Variants in HDAC4 observed in about 807,000 individuals in gnomAD.
HDAC4 encodes the protein histone deacetylase A.
In HDAC4, 16 loss-of-function variants were observed where a neutral mutation model predicts 135.1. That is an observed-to-expected ratio of 0.12 (90% CI 0.08 to 0.18). The LOEUF (loss-of-function observed/expected upper bound fraction) is 0.18, where lower values mean the gene tolerates loss of function less well. Among genes scored for constraint, HDAC4 ranks in the 10% least tolerant of loss-of-function variants. The pLI, the probability that HDAC4 is intolerant of heterozygous loss-of-function variation, is 1.00. For missense variants in HDAC4, 1,143 were observed against 1,511.8 expected, an observed-to-expected ratio of 0.76 and a Z score of 4.05; for synonymous variants, 685 against 653.4, an observed-to-expected ratio of 1.05 and a Z score of -0.74.
At chr2:239,233,460 A>G (rs896018656) in intron 3 of HDAC4, among the ~76,000 whole-genome samples, 7 of 116,378 alleles carry the variant, frequency 6.0e-5, no homozygotes, top group Non-Finnish European at 4.0e-5. Context: ...CAAAATCCGA[A>G]AAAAAAAAAA....
At chr2:239,144,490 T>C in intron 8 of HDAC4, 93 bp downstream of exon 8, 1 of 1,519,094 alleles carries the variant, frequency 6.6e-7, no homozygotes, top group African/African-American at 1.4e-5. Flanking sequence ...GGCAGACACG[T>C]GGGTTTTCAG....
chr2:239,248,490 C>CT (rs888405563), intron 2 of HDAC4, among the ~76,000 whole-genome samples: 1 of 152,116 alleles, frequency 6.6e-6, no homozygotes, highest in Non-Finnish European at 1.5e-5. Context: ...ACCTCTAGCG[C>CT]TTTTTAGGAC....
rs57149577 is a variant in HDAC4, at chr2:239,269,235, T to A, written c.23-32571A>T. Among the ~76,000 whole-genome samples the A allele has an allele frequency of 1.3e-3, 187 of 138,816 alleles. 1 individual carries two copies. The highest frequency in any genetic ancestry group is 5.0e-3 in the African/African-American group (184 of 36,576). 91.1% of individuals were successfully genotyped at this position (138,816 alleles called of 152,430 possible). ...CACACATTCACACACCCACATACAT[T>A]CACACATCTACACACATTCACACAC... On this transcript the variant is annotated intron_variant, in intron 2 of 26. Coordinates refer to ENST00000543185, the MANE Select transcript of HDAC4 (RefSeq NM_001378414.1).
rs561528802 is a variant in HDAC4 at position 239,313,470 on chromosome 2, T to C, written c.22+39208A>G. On this transcript the variant is annotated intron_variant, in intron 2 of 26. Coordinates refer to ENST00000543185, the MANE Select transcript of HDAC4 (RefSeq NM_001378414.1). The surrounding 1 kb of genome is among the most constrained non-coding windows in gnomAD (Gnocchi z 5.1). Reference sequence around the variant, plus strand: ...CGCTCCTCCAATTGGGGGCTGGCCATCCCACCGAGCACTGATACCGCAGGC... The same window carrying C: ...CGCTCCTCCAATTGGGGGCTGGCCACCCCACCGAGCACTGATACCGCAGGC... 5.4e-4 allele frequency among the ~76,000 whole-genome samples: 82 copies of C among 152,110 alleles called. 1 individual carries two copies. In the Middle Eastern group the frequency reaches 0.01, roughly 19 times the overall value.
At chr2:239,268,075 A>G (rs901561785) in intron 2 of HDAC4, among the ~76,000 whole-genome samples, 10 of 152,254 alleles carry the variant, frequency 6.6e-5, no homozygotes, top group Non-Finnish European at 1.5e-4. Flanking sequence ...ATAATCAGAA[A>G]ATGTTTTGAG....
Position 239,299,921 on chromosome 2 carries a change from G to A in HDAC4, c.22+52757C>T, listed in dbSNP as rs558673791. 9.2e-5 allele frequency among the ~76,000 whole-genome samples: 14 copies of A among 152,182 alleles called. No homozygotes were observed. Among genetic ancestry groups the A allele is most frequent in the Non-Finnish European group, 1.9e-4 (13 of 68,028 alleles). ...GGCAGTCCTGGGGCTCGGGAGACAG[G>A]GGAGACAGAGAAGGAAGAGGGGTCC... On this transcript the variant is annotated intron_variant, in intron 2 of 26. Transcript: ENST00000543185. This position sits in a 1 kb window ranked among gnomAD's most constrained non-coding sequence, Gnocchi z 4.0.
chr2:239,191,049 C>T (rs1023386013), intron 3 of HDAC4: 5 of 458,072 alleles, frequency 1.1e-5, no homozygotes, highest in South Asian at 4.7e-5. Flanking sequence ...GCGACTCTGC[C>T]GAAAACTTCA....
intron 3 of HDAC4, among the ~76,000 whole-genome samples, chr2:239,217,555 C>T (rs976412267): frequency 5.3e-5 from 8 of 152,196 alleles, no homozygotes; most frequent in East Asian, 1.9e-4. Context: ...AGAAAAGAGA[C>T]GGCAGAAAGT....
intron 2 of HDAC4, among the ~76,000 whole-genome samples, chr2:239,271,266 A>G (rs1559309966): frequency 6.6e-6 from 1 of 152,080 alleles, no homozygotes; most frequent in Non-Finnish European, 1.5e-5. Flanking sequence ...GGTGCATGCC[A>G]CCATGCCTGG....
rs183526739 is a variant in HDAC4, at chr2:239,141,193, G to A, written c.866-1397C>T. ...GTTAACCCAGCTGGGTGGTGAAGGC[G>A]CACCTCCTCTGTTGACCACGCTGCC... On this transcript the variant is annotated intron_variant, in intron 8 of 26. Transcript: ENST00000543185. This position sits in a 1 kb window ranked among gnomAD's most constrained non-coding sequence, Gnocchi z 4.9. Among the ~76,000 whole-genome samples, 55 of 152,212 alleles carry A rather than the reference G, an allele frequency of 3.6e-4. 1 individual carries two copies. In the East Asian group the frequency reaches 7.4e-3, roughly 20 times the overall value.
chr2:239,329,579 C>T (rs912951686), intron 2 of HDAC4, among the ~76,000 whole-genome samples: 1 of 151,656 alleles, frequency 6.6e-6, no homozygotes, highest in Non-Finnish European at 1.5e-5. Context: ...CACAGACACC[C>T]GTGCTCCATT....
chr2:239,264,040 G>A (rs1291727280), intron 2 of HDAC4, among the ~76,000 whole-genome samples: 1 of 151,892 alleles, frequency 6.6e-6, no homozygotes, highest in Non-Finnish European at 1.5e-5. Flanking sequence ...TCGAGCGGGG[G>A]CTCAATGACT....
chr2:239,188,541 G>A (rs867817745), intron 4 of HDAC4, among the ~76,000 whole-genome samples: 17 of 152,334 alleles, frequency 1.1e-4, no homozygotes, highest in African/African-American at 3.8e-4. Flanking sequence ...CATCTCAGAA[G>A]CACCAGGTTG....
chr2:239,225,189 G>A (rs1274578869), intron 3 of HDAC4, among the ~76,000 whole-genome samples: 1 of 152,186 alleles, frequency 6.6e-6, no homozygotes, highest in Non-Finnish European at 1.5e-5. Flanking sequence ...AAGACTTTAT[G>A]AAGTGTTAAT....
chr2:239,092,246 G>GA lies in HDAC4; in HGVS notation c.2281-2131dup, dbSNP rs11366042. Among the ~76,000 whole-genome samples the GA allele has an allele frequency of 9.7e-3, 1,252 of 129,264 alleles. 16 individuals carry two copies. The highest frequency in any genetic ancestry group is 0.027 in the African/African-American group (959 of 35,552). The allele number at this position is 129,264 out of a possible 152,430, so 84.8% of individuals were successfully genotyped here. ...AGACTGAAGCTCTGTCTCCAAAGAG[G>GA]AAAAAAAAAAAAAAAAAAATCCAAG... On this transcript the variant is annotated intron_variant, in intron 17 of 26. Coordinates refer to ENST00000543185, the MANE Select transcript of HDAC4 (RefSeq NM_001378414.1).
rs529877423 is a variant in HDAC4, at chr2:239,167,733, T to C, written c.491-3810A>G. Among the ~76,000 whole-genome samples, 17 of 152,182 alleles carry C rather than the reference T, an allele frequency of 1.1e-4. No individual in the cohort carries two copies. In the East Asian group the frequency reaches 1.5e-3, roughly 14 times the overall value. On this transcript the variant is annotated intron_variant, in intron 5 of 26. Coordinates refer to ENST00000543185, the MANE Select transcript of HDAC4 (RefSeq NM_001378414.1). The surrounding 1 kb of genome is among the most constrained non-coding windows in gnomAD (Gnocchi z 4.1). The stretch of plus-strand genomic sequence containing the variant: ...TCCCTAATTTTTACTTTTACTTTTT[T>C]TTTTTTTTTCTTAATTCACATTGAG...
At chr2:239,098,420 G>C (rs1266935255) in intron 16 of HDAC4, among the ~76,000 whole-genome samples, 1 of 152,270 alleles carries the variant, frequency 6.6e-6, no homozygotes, top group Non-Finnish European at 1.5e-5. Context: ...TCCCTGGCTG[G>C]GAGGAGGCCC....
At chr2:239,056,801 A>T (rs138342777) in intron 24 of HDAC4, among the ~76,000 whole-genome samples, 1 of 152,338 alleles carries the variant, frequency 6.6e-6, no homozygotes, top group Non-Finnish European at 1.5e-5. Context: ...ACTCTCAGCA[A>T]ATGATCAAGG....
intron 2 of HDAC4, among the ~76,000 whole-genome samples, chr2:239,248,462 G>A (rs1455827981): frequency 3.3e-5 from 5 of 152,168 alleles, no homozygotes; most frequent in African/African-American, 9.7e-5. Flanking sequence ...TTACAGGCAT[G>A]AGCTGCAGAG....
Sources: allele counts gnomAD v4.1 joint callset (sites outside exome capture counted in the v4.1 genomes callset), GRCh38; gene constraint gnomAD v4.1.1; non-coding constraint Gnocchi (gnomAD v3.1); transcripts MANE v1.5; gene names NCBI Gene and HGNC (gene_info 2026-07-23, HGNC 2026-07-21).